Variants in DST observed in about 807,000 individuals in gnomAD.
DST encodes bullous pemphigoid antigen.
Under a neutral mutation model 875.2 loss-of-function variants are expected in DST, and 253 were observed. The ratio of observed to expected loss-of-function variants is 0.29; its 90% CI spans 0.26 to 0.32. DST has a LOEUF of 0.32. Ranked by LOEUF, DST falls within the 10% of genes least tolerant of loss-of-function variation. The pLI is 1.00. For synonymous variants in DST, 3,124 were observed against 3,197.1 expected (o/e 0.98, Z 0.77); for missense variants, 8,287 against 9,111.6 (o/e 0.91, Z 3.68).
At chr6:56,482,265 C>A in intron 89 of DST, 87 bp from the exon 90 acceptor site, 2 of 1,413,278 alleles carry the variant, frequency 1.4e-6, no homozygotes, top group Non-Finnish European at 1.9e-6. Context: ...GTGGATTCAT[C>A]CCTTCAATGA....
In DST at chr6:56,872,824, C is replaced by CCG. The variant is rs150653466; in HGVS notation, c.418-21221_418-21220insCG. ...CAGAATCTCTTCAATACACTGATTC[C>CCG]CCCCCCCCTTTTTTTTTTTTTCGGA... On this transcript the variant is annotated intron_variant, in intron 3 of 103. Coordinates refer to ENST00000680361, the MANE Select transcript of DST (RefSeq NM_001374736.1). 2.3e-3 allele frequency among the ~76,000 whole-genome samples: 238 copies of CCG among 103,044 alleles called. 1 individual carries two copies. The highest frequency in any genetic ancestry group is 0.016 in the African/African-American group (221 of 13,752). 67.6% of individuals were successfully genotyped at this position (103,044 alleles called of 152,430 possible). A position where few individuals can be genotyped will look rare whatever the true frequency, so the allele number is the denominator to read the frequency against.
At chr6:56,542,451 A>T (rs2097145375) in intron 61 of DST, 1 of 150,854 alleles carries the variant, frequency 6.6e-6, no homozygotes, top group Admixed American at 6.6e-5. Flanking sequence ...AAAAAAAAAA[A>T]AAAAGCCATT....
rs746125621 is a variant in DST at position 56,561,509 on chromosome 6, A to G, written c.14109T>C (p.His4703=). Residue 4703 remains histidine (H), a synonymous_variant, in exon 57 of 104, where the codon CAT becomes CAC. Coordinates refer to ENST00000680361, the MANE Select transcript of DST (RefSeq NM_001374736.1). ...GTAAGAGGCCAAGATCTTCATAACC[A>G]TGACTTATGTCAGTCATGTCCTTTT... ...SIKKDMTDIS[H]GYEDLGLLLK... is the part of the protein sequence containing the mutation. The G allele has an allele frequency of 4.3e-6, 7 of 1,613,644 alleles. No individual in the cohort carries two copies. The African/African-American group carries it at 6.7e-5, about 15-fold the overall frequency.
At chr6:56,663,045 C>G (rs1328302076) in intron 10 of DST, among the ~76,000 whole-genome samples, 1 of 152,148 alleles carries the variant, frequency 6.6e-6, no homozygotes, top group Non-Finnish European at 1.5e-5. Flanking sequence ...GTAAATTAAT[C>G]TAGGCAAGAA....
At chr6:56,817,831 C>A (rs532897941) in intron 4 of DST, among the ~76,000 whole-genome samples, 64 of 152,198 alleles carry the variant, frequency 4.2e-4, no homozygotes, top group African/African-American at 1.3e-3. Flanking sequence ...AATCTCAGAA[C>A]CCATGAATAT....
intron 3 of DST, among the ~76,000 whole-genome samples, chr6:56,869,797 A>T (rs1358575548): frequency 2.0e-5 from 3 of 151,976 alleles, no homozygotes; most frequent in Non-Finnish European, 2.9e-5. Flanking sequence ...CGAGCCTCCC[A>T]CCTCAGCCTC....
At chr6:56,461,680 G>C (rs1376550490) in intron 102 of DST, 1 of 152,168 alleles carries the variant, frequency 6.6e-6, no homozygotes, top group Non-Finnish European at 1.5e-5. Context: ...TAGACTTTGA[G>C]AGAGTTTCCA....
intron 84 of DST, 96 bp downstream of exon 84, chr6:56,492,838 G>T: frequency 1.8e-6 from 2 of 1,089,162 alleles, no homozygotes; most frequent in Non-Finnish European, 2.5e-6. Flanking sequence ...CACCACCACA[G>T]TCCTGGACGA....
chr6:56,837,337 C>T (rs953740931), intron 4 of DST, among the ~76,000 whole-genome samples: 1 of 152,138 alleles, frequency 6.6e-6, no homozygotes, highest in African/African-American at 2.4e-5. Context: ...TTGCTGCACC[C>T]GCCTCCTGTC....
At chr6:56,859,378 T>A (rs1368012706) in intron 3 of DST, among the ~76,000 whole-genome samples, 4 of 152,028 alleles carry the variant, frequency 2.6e-5, no homozygotes, top group South Asian at 2.1e-4. Context: ...GTAAAAAAAA[T>A]TTTCAAAAAA....
At chr6:56,555,939 C>A in intron 59 of DST, 99 bp from the exon 60 acceptor site, 1 of 1,270,248 alleles carries the variant, frequency 7.9e-7, no homozygotes, top group South Asian at 2.2e-5. Context: ...ATTATTTCTC[C>A]AGTTTTTGTT....
chr6:56,667,319 A>G (rs1403042897), intron 10 of DST, among the ~76,000 whole-genome samples: 1 of 152,224 alleles, frequency 6.6e-6, no homozygotes, highest in Non-Finnish European at 1.5e-5. Flanking sequence ...AGAATAAATC[A>G]AGGCATTCAA....
chr6:56,487,544 A>G (rs917046977), intron 86 of DST, among the ~76,000 whole-genome samples: 3 of 152,182 alleles, frequency 2.0e-5, no homozygotes, highest in African/African-American at 4.8e-5. Context: ...ATCTTGTCCT[A>G]TTGTAAGCTA....
chr6:56,475,137 T>G (rs1046115142), intron 92 of DST, among the ~76,000 whole-genome samples: 1 of 152,132 alleles, frequency 6.6e-6, no homozygotes, highest in African/African-American at 2.4e-5. Flanking sequence ...ATCTTGCCAC[T>G]GCTTATCTCA....
At chr6:56,703,897 C>T (rs931895414) in intron 6 of DST, among the ~76,000 whole-genome samples, 151 bp from the exon 7 acceptor site, 8 of 150,398 alleles carry the variant, frequency 5.3e-5, no homozygotes, top group South Asian at 2.1e-4. Context: ...ATGACACCTG[C>T]GGAATGGGTT....
Position 56,647,095 on chromosome 6 carries a change from G to GCCAGTACAATTCATC in DST, c.1555-928_1555-914dup, listed in dbSNP as rs1442232716. ...AACTAAGAATCTACACTAACCAGAA[G>GCCAGTACAATTCATC]CCAGTACAATTCATCCAAGGGTCTG... is the stretch of plus-strand genomic sequence containing the variant. On this transcript the variant is annotated intron_variant, in intron 13 of 103. Coordinates refer to ENST00000680361, the MANE Select transcript of DST (RefSeq NM_001374736.1). Among the ~76,000 whole-genome samples, 4 of 152,304 alleles carry GCCAGTACAATTCATC rather than the reference G, an allele frequency of 2.6e-5. No individual in the cohort carries two copies. In the East Asian group the frequency reaches 7.7e-4, roughly 29 times the overall value.
intron 61 of DST, among the ~76,000 whole-genome samples, chr6:56,546,216 G>C (rs930933676): frequency 3.3e-5 from 5 of 150,928 alleles, no homozygotes; most frequent in Admixed American, 2.6e-4. Context: ...CTTCCTGTAA[G>C]TTACTACAAT....
chr6:56,587,584 G>A (rs375066179), intron 49 of DST, among the ~76,000 whole-genome samples: 1 of 151,952 alleles, frequency 6.6e-6, no homozygotes, highest in Non-Finnish European at 1.5e-5. Context: ...CTCCTCGAGA[G>A]GAGCAACTCC....
At chr6:56,462,764 T>C (rs775834560) in intron 102 of DST, among the ~76,000 whole-genome samples, 1 of 152,152 alleles carries the variant, frequency 6.6e-6, no homozygotes, top group South Asian at 2.1e-4. Flanking sequence ...TCCCAAGAGA[T>C]AACAGTGGAA....
Sources: allele counts gnomAD v4.1 joint callset (sites outside exome capture counted in the v4.1 genomes callset), GRCh38; gene constraint gnomAD v4.1.1; transcripts MANE v1.5; gene names NCBI Gene and HGNC (gene_info 2026-07-23, HGNC 2026-07-21).